ZNF136: variants seen among roughly 807,000 people sequenced by gnomAD.
ZNF136 encodes zinc finger protein 136 (clone pHZ-20).
ZNF136 carries 8 observed loss-of-function variants against 11.4 expected under a neutral mutation model. The observed-to-expected ratio is 0.70, with a 90% CI of 0.41 to 1.27. The LOEUF (loss-of-function observed/expected upper bound fraction) is 1.27, where lower values mean the gene tolerates loss of function less well. ZNF136 is among the 50% of genes most tolerant of loss of function. The pLI, the probability that ZNF136 is intolerant of heterozygous loss-of-function variation, is 0.01. For synonymous variants in ZNF136, 190 were observed against 207.1 expected, an observed-to-expected ratio of 0.92 and a Z score of 0.71; for missense variants, 590 against 656.5, an observed-to-expected ratio of 0.90 and a Z score of 1.11.
At chr19:12,181,014 C>G (rs1429985313) in intron 1 of ZNF136, among the ~76,000 whole-genome samples, 1 of 152,214 alleles carries the variant, frequency 6.6e-6, no homozygotes, top group African/African-American at 2.4e-5. Context: ...AGGCGCGCCT[C>G]AGAGCCCTGT....
At chr19:12,174,477 GGTCT>G (rs1914738038) in intron 1 of ZNF136, among the ~76,000 whole-genome samples, 1 of 151,896 alleles carries the variant, frequency 6.6e-6, no homozygotes. Context: ...ATTTTTCATT[GGTCT>G]GTCTGTCTCT....
intron 1 of ZNF136, among the ~76,000 whole-genome samples, chr19:12,170,667 A>T (rs1475439458): frequency 8.4e-5 from 12 of 142,366 alleles, no homozygotes; most frequent in Admixed American, 6.3e-4. Context: ...TGCTTCATAA[A>T]TTTTTTTTTT....
chr19:12,187,199 A>G lies in ZNF136; in HGVS notation c.821A>G (p.His274Arg). 2 of 1,613,988 alleles carry G rather than the reference A, an allele frequency of 1.2e-6. No individual in the cohort carries two copies. Among genetic ancestry groups the G allele is most frequent in the Non-Finnish European group, 1.7e-6 (2 of 1,179,986 alleles). ...LSSFQVHERI[H>R]TGEKPFKCKQ... ...TCATTTCAAGTGCATGAAAGAATTC[A>G]CACTGGAGAAAAACCCTTTAAATGT... The change falls in exon 4 of 4, where the codon CAC (histidine) becomes CGC (arginine). Residue 274 changes from histidine (H) to arginine (R), a missense_variant. Coordinates refer to ENST00000343979, the MANE Select transcript of ZNF136 (RefSeq NM_003437.5).
intron 1 of ZNF136, among the ~76,000 whole-genome samples, chr19:12,178,684 G>A (rs555980125): frequency 6.8e-4 from 103 of 151,882 alleles, no homozygotes; most frequent in Non-Finnish European, 1.3e-3. Flanking sequence ...ATTTTGTGGC[G>A]TTATTTGTTA....
intron 1 of ZNF136, among the ~76,000 whole-genome samples, chr19:12,178,235 C>G (rs191839521): frequency 6.6e-6 from 1 of 152,210 alleles, no homozygotes; most frequent in Non-Finnish European, 1.5e-5. Context: ...TCTCCCACTC[C>G]GTGTGTTGCC....
At chr19:12,180,129 G>A (rs1263345169) in intron 1 of ZNF136, among the ~76,000 whole-genome samples, 3 of 152,180 alleles carry the variant, frequency 2.0e-5, no homozygotes, top group Admixed American at 6.5e-5. Context: ...GTCTCCCAAA[G>A]TGCTGGGATT....
At chr19:12,170,089 C>T (rs933557328) in intron 1 of ZNF136, among the ~76,000 whole-genome samples, 5 of 147,742 alleles carry the variant, frequency 3.4e-5, no homozygotes, top group African/African-American at 4.9e-5. Flanking sequence ...CCACCACGCC[C>T]GGCCATTTTT....
At position 12,187,707 on chromosome 19, in the gene ZNF136, T is replaced by C; in HGVS notation, c.1329T>C (p.Thr443=). Reference sequence around the variant, plus strand: ...TTCGAATACATGAAAGAACTCATACTGGAGAGAAACCCTATGAGTGTAAGC... The same window carrying C: ...TTCGAATACATGAAAGAACTCATACCGGAGAGAAACCCTATGAGTGTAAGC... ...TSIRIHERTH[T]GEKPYECKQC... The change falls in exon 4 of 4, where the codon ACT becomes ACC. Residue 443 remains threonine (T), a synonymous_variant. Transcript: ENST00000343979. The C allele has an allele frequency of 6.2e-7, 1 of 1,614,156 alleles. No homozygotes were observed. Among genetic ancestry groups the C allele is most frequent in the Non-Finnish European group, 8.5e-7 (1 of 1,180,022 alleles).
chr19:12,187,691 A>C lies in ZNF136; in HGVS notation c.1313A>C (p.His438Pro), dbSNP rs143067396. 2 of 1,614,170 alleles carry C rather than the reference A, an allele frequency of 1.2e-6. No homozygotes were observed. The highest frequency in any genetic ancestry group is 1.7e-6 in the Non-Finnish European group (2 of 1,180,036). ...GTTTCTTCAACATCAATTCGAATAC[A>C]TGAAAGAACTCATACTGGAGAGAAA... ...AFVSSTSIRI[H>P]ERTHTGEKPY... The change falls in exon 4 of 4, where the codon CAT becomes CCT. Residue 438 changes from histidine to proline, a missense_variant. By Grantham distance (77) the His-to-Pro change is moderately conservative (BLOSUM62 -2). Coordinates refer to ENST00000343979, the MANE Select transcript of ZNF136 (RefSeq NM_003437.5).
intron 1 of ZNF136, among the ~76,000 whole-genome samples, chr19:12,180,994 T>C (rs1206147198): frequency 1.3e-5 from 2 of 152,212 alleles, no homozygotes; most frequent in Admixed American, 6.5e-5. Context: ...ATCCTACTTA[T>C]TGTCCAATCA....
chr19:12,168,907 A>T (rs1432123078), intron 1 of ZNF136, among the ~76,000 whole-genome samples: 1 of 152,052 alleles, frequency 6.6e-6, no homozygotes, highest in Admixed American at 6.6e-5. Flanking sequence ...CGAACTCCTG[A>T]CCTCAGGTGA....
At chr19:12,167,695 A>G (rs895647903) in intron 1 of ZNF136, among the ~76,000 whole-genome samples, 1 of 152,212 alleles carries the variant, frequency 6.6e-6, no homozygotes, top group African/African-American at 2.4e-5. Context: ...CCCCATCTCT[A>G]CTAAAAAAAA....
intron 1 of ZNF136, among the ~76,000 whole-genome samples, chr19:12,172,883 G>A (rs887551405): frequency 6.6e-6 from 1 of 152,018 alleles, no homozygotes; most frequent in African/African-American, 2.4e-5. Flanking sequence ...GTGATGGTGC[G>A]TGCCTGTAAT....
chr19:12,187,372 G>T lies in ZNF136; in HGVS notation c.994G>T (p.Gly332Cys). 1 of 1,614,082 alleles carries T rather than the reference G, an allele frequency of 6.2e-7. No homozygotes were observed. Among genetic ancestry groups the T allele is most frequent in the Non-Finnish European group, 8.5e-7 (1 of 1,180,000 alleles). ...TCGACTACATGAAAGAATTCACACT[G>T]GTGAGAAACCCTTCGTATGTAAACA... The part of the protein sequence containing the change: ...SLRLHERIHT[G>C]EKPFVCKQCG... Residue 332 changes from glycine to cysteine, a missense_variant, in exon 4 of 4, where the codon GGT (glycine) becomes TGT (cysteine). Coordinates refer to ENST00000343979, the MANE Select transcript of ZNF136 (RefSeq NM_003437.5).
chr19:12,168,687 T>TG (rs1914555447), intron 1 of ZNF136, among the ~76,000 whole-genome samples: 2 of 152,064 alleles, frequency 1.3e-5, no homozygotes, highest in Admixed American at 6.5e-5. Context: ...CATCCTTTTT[T>TG]TTTTTGAGAT....
At chr19:12,176,256 A>G (rs1914789619) in intron 1 of ZNF136, among the ~76,000 whole-genome samples, 1 of 152,082 alleles carries the variant, frequency 6.6e-6, no homozygotes, top group Non-Finnish European at 1.5e-5. Context: ...CACTCTGAAA[A>G]TCAAGTGAAT....
chr19:12,187,030 C>G lies in ZNF136; in HGVS notation c.652C>G (p.His218Asp). 1 of 1,614,096 alleles carries G rather than the reference C, an allele frequency of 6.2e-7. No homozygotes were observed. The change falls in exon 4 of 4, where the codon CAC becomes GAC. Residue 218 changes from histidine to aspartate, a missense_variant. His to Asp is a moderately conservative substitution (Grantham distance 81, BLOSUM62 -1). Transcript: ENST00000343979. ...TAGATTTCGAACACATGAAAGAAGT[C>G]ACACTGGAGAGAAACCCTATGAATG... Reference protein sequence around the residue: ...PSRFRTHERSHTGEKPYECQE... With the variant: ...PSRFRTHERSDTGEKPYECQE...
intron 1 of ZNF136, among the ~76,000 whole-genome samples, chr19:12,167,697 T>TA (rs1014098642): frequency 1.1e-4 from 16 of 152,114 alleles, no homozygotes; most frequent in South Asian, 4.2e-4. Flanking sequence ...CCATCTCTAC[T>TA]AAAAAAAATA....
At chr19:12,173,657 G>A (rs1159404909) in intron 1 of ZNF136, among the ~76,000 whole-genome samples, 3 of 152,014 alleles carry the variant, frequency 2.0e-5, no homozygotes, top group Admixed American at 1.3e-4. Context: ...GTGTTTTCCC[G>A]AATTTTGTGA....
Sources: gnomAD v4.1 joint callset for allele counts (sites outside exome capture counted in the v4.1 genomes callset) on GRCh38, gnomAD v4.1.1 for gene constraint, MANE v1.5 for transcripts, NCBI Gene and HGNC (gene_info 2026-07-23, HGNC 2026-07-21) for gene names.